MELK: variants seen among roughly 807,000 people sequenced by gnomAD.
MELK encodes pEg3 kinase.
In MELK, 81 loss-of-function variants were observed where a neutral mutation model predicts 85.0. That is an observed-to-expected ratio of 0.95 (90% CI 0.80 to 1.15). MELK has a LOEUF of 1.15. Ranked by LOEUF, MELK falls within the 50% of genes most tolerant of loss-of-function variation. The pLI is 0.00. For missense variants in MELK, 754 were observed against 777.5 expected (o/e 0.97, Z 0.36); for synonymous variants, 252 against 265.0 (o/e 0.95, Z 0.48).
chr9:36,613,231 C>T (rs1826224246), intron 8 of MELK, among the ~76,000 whole-genome samples: 1 of 152,236 alleles, frequency 6.6e-6, no homozygotes, highest in Non-Finnish European at 1.5e-5. Flanking sequence ...TTTGTTCCCT[C>T]CCTTCTTTCA....
intron 8 of MELK, among the ~76,000 whole-genome samples, chr9:36,611,375 C>T (rs1424334909): frequency 6.6e-6 from 1 of 152,156 alleles, no homozygotes; most frequent in African/African-American, 2.4e-5. Flanking sequence ...ACCCTTGTTG[C>T]TTGTTTTATA....
chr9:36,600,650 G>C (rs901605398), intron 7 of MELK, among the ~76,000 whole-genome samples: 3 of 152,218 alleles, frequency 2.0e-5, no homozygotes, highest in African/African-American at 7.2e-5. Flanking sequence ...CTCCCAAAGT[G>C]CTGGGATTAC....
chr9:36,580,492 G>A (rs1454380446), intron 1 of MELK, among the ~76,000 whole-genome samples: 2 of 151,366 alleles, frequency 1.3e-5, no homozygotes, highest in South Asian at 4.2e-4. Flanking sequence ...GCTAATTTGT[G>A]TATTTTTAGT....
intron 1 of MELK, among the ~76,000 whole-genome samples, chr9:36,578,099 T>C (rs999174072): frequency 6.6e-6 from 1 of 152,224 alleles, no homozygotes; most frequent in Non-Finnish European, 1.5e-5. Flanking sequence ...TTTACGCTTC[T>C]TCCTTTTGCC....
intron 5 of MELK, 24 bp from the exon 6 acceptor site, chr9:36,597,198 A>G (rs1824380816): frequency 6.3e-7 from 1 of 1,591,600 alleles, no homozygotes; most frequent in Admixed American, 1.7e-5. Context: ...GTATACAGTT[A>G]TCAAAATATC....
At chr9:36,618,960 T>C (rs78378060) in intron 8 of MELK, among the ~76,000 whole-genome samples, 29 of 74,808 alleles carry the variant, frequency 3.9e-4, no homozygotes, top group African/African-American at 1.1e-3. Flanking sequence ...ACTCTAAGTA[T>C]TTTTTTTTTT....
At chr9:36,616,387 C>CTTTTTT (rs60212848) in intron 8 of MELK, among the ~76,000 whole-genome samples, 7 of 114,636 alleles carry the variant, frequency 6.1e-5, no homozygotes, top group African/African-American at 2.3e-4. Flanking sequence ...ATGTCAAACT[C>CTTTTTT]TTTTTTTTTT....
intron 13 of MELK, 118 bp downstream of exon 13, chr9:36,657,481 AT>A: frequency 8.8e-7 from 1 of 1,130,176 alleles, no homozygotes; most frequent in Non-Finnish European, 1.2e-6. Context: ...GCCACTGAAA[AT>A]GTTTATGAGC....
At position 36,666,906 on chromosome 9, in the gene MELK, TGA is replaced by T. The variant is rs1247265287; in HGVS notation, c.1408+1326_1408+1327del. Among the ~76,000 whole-genome samples the T allele has an allele frequency of 6.3e-3, 784 of 124,848 alleles. 3 individuals carry two copies. The highest frequency in any genetic ancestry group is 0.015 in the African/African-American group (506 of 33,734). The allele number at this position is 124,848 out of a possible 152,430, so 81.9% of individuals were successfully genotyped here. On this transcript the variant is annotated intron_variant, in intron 14 of 17. Coordinates refer to ENST00000298048, the MANE Select transcript of MELK (RefSeq NM_014791.4). ...GTGTGTGTGTGTGTGTGTGTGTGTGTGATGGTGTGTGTGTGGGGGGGTGCGGT... is the reference window on the plus strand; with the variant it reads ...GTGTGTGTGTGTGTGTGTGTGTGTGTTGGTGTGTGTGTGGGGGGGTGCGGT...
intron 9 of MELK, among the ~76,000 whole-genome samples, chr9:36,632,755 TGTG>T (rs1828760846): frequency 1.3e-5 from 2 of 152,240 alleles, no homozygotes; most frequent in Non-Finnish European, 2.9e-5. Flanking sequence ...TGCCCTGCAT[TGTG>T]GCTGCTTGAA....
Position 36,677,236 on chromosome 9 carries a change from CA to C in MELK, c.1860del (p.Lys620AsnfsTer22). ...MQFELEVCQL[Q>X]KPDVVGIRRQ... ...ATTTGAATTAGAAGTGTGCCAGCTT[CA>C]AAAACCCGATGTGGTGGGTATCAGG... is the stretch of plus-strand genomic sequence containing the variant. On this transcript the variant is annotated frameshift_variant, in exon 18 of 18. Coordinates refer to ENST00000298048, the MANE Select transcript of MELK (RefSeq NM_014791.4). LOFTEE classifies it high-confidence loss of function. 3 of 1,614,114 alleles carry C rather than the reference CA, an allele frequency of 1.9e-6. No homozygotes were observed. Among genetic ancestry groups the C allele is most frequent in the Non-Finnish European group, 2.5e-6 (3 of 1,179,990 alleles).
intron 4 of MELK, among the ~76,000 whole-genome samples, chr9:36,592,172 CTTTTTTTTTTTTTT>C (rs35073009): frequency 8.5e-6 from 1 of 117,326 alleles, no homozygotes; most frequent in Non-Finnish European, 1.7e-5. Flanking sequence ...CATTTCTTTT[CTTTTTTTTTTTTTT>C]TTTTTTGAGA....
chr9:36,574,430 C>CAAAAAAAAAAAAAAAAAAAAA (rs78915626), intron 1 of MELK, among the ~76,000 whole-genome samples: 1 of 79,932 alleles, frequency 1.3e-5, no homozygotes, highest in Non-Finnish European at 2.9e-5. Flanking sequence ...ACTAAAAATA[C>CAAAAAAAAAAAAAAAAAAAAA]AAAAAAAAAA....
At chr9:36,592,172 C>CT (rs35073009) in intron 4 of MELK, among the ~76,000 whole-genome samples, 6,045 of 117,270 alleles carry the variant, frequency 0.052, 518 homozygotes, top group African/African-American at 0.16. Context: ...CATTTCTTTT[C>CT]TTTTTTTTTT....
At chr9:36,630,632 A>T (rs1202338827) in intron 9 of MELK, among the ~76,000 whole-genome samples, 1 of 151,868 alleles carries the variant, frequency 6.6e-6, no homozygotes, top group Non-Finnish European at 1.5e-5. Context: ...ACTCTCTTTT[A>T]TTCCAAAATT....
rs372595506 is a variant in MELK, at chr9:36,651,823, G to A, written c.999G>A (p.Arg333=). The change falls in exon 12 of 18, where the codon AGG becomes AGA. Residue 333 remains arginine (R), a synonymous_variant. Coordinates refer to ENST00000298048, the MANE Select transcript of MELK (RefSeq NM_014791.4). ...CTCGGGGAAAACCAGTTCGTTTAAG[G>A]CTTTCTTCTTTCTCCTGTGGACAAG... is the stretch of plus-strand genomic sequence containing the variant. ...KKARGKPVRL[R]LSSFSCGQAS... is the part of the protein sequence containing the mutation. 1.2e-5 allele frequency: 20 copies of A among 1,613,840 alleles called. No individual in the cohort carries two copies. The highest frequency in any genetic ancestry group is 1.1e-4 in the African/African-American group (8 of 74,856).
chr9:36,670,978 T>C lies in MELK; in HGVS notation c.1506-20T>C. 6.3e-7 allele frequency: 1 copy of C among 1,592,744 alleles called. No individual in the cohort carries two copies. Among genetic ancestry groups the C allele is most frequent in the Non-Finnish European group, 8.5e-7 (1 of 1,171,664 alleles). On this transcript the variant is annotated intron_variant, in intron 15 of 17. Coordinates refer to ENST00000298048, the MANE Select transcript of MELK (RefSeq NM_014791.4). ...CGGAGGCCCAGCTCTACTTGTGCCT[T>C]GTTTTATGTTTTGTTTCAGGTGCCG... is the stretch of plus-strand genomic sequence containing the variant.
At position 36,674,878 on chromosome 9, in the gene MELK, A is replaced by G. The variant is rs372375679; in HGVS notation, c.1719A>G (p.Gln573=). The G allele has an allele frequency of 5.5e-5, 88 of 1,601,554 alleles. No homozygotes were observed. The South Asian group carries it at 8.5e-4, about 15-fold the overall frequency. Residue 573 remains glutamine (Q), a synonymous_variant, in exon 17 of 18, where the codon CAA becomes CAG. Transcript: ENST00000298048. The part of the protein sequence containing the change: ...VTTTRLVNPD[Q]LLNEIMSILP... ...CAACTAGATTAGTGAATCCAGATCA[A>G]CTGTTGAATGAAATAATGTCTATTC...
intron 9 of MELK, among the ~76,000 whole-genome samples, chr9:36,631,541 C>T (rs1007006567): frequency 8.6e-5 from 13 of 152,040 alleles, no homozygotes; most frequent in Non-Finnish European, 1.8e-4. Flanking sequence ...ACTGGGATTA[C>T]AGGTGTGAGC....
Sources: gnomAD v4.1 joint callset for allele counts (sites outside exome capture counted in the v4.1 genomes callset) on GRCh38, gnomAD v4.1.1 for gene constraint, MANE v1.5 for transcripts, NCBI Gene and HGNC (gene_info 2026-07-23, HGNC 2026-07-21) for gene names.